ALMS1: variants seen among roughly 807,000 people sequenced by gnomAD.
ALMS1 encodes centrosome-associated protein ALMS1.
ALMS1 carries 271 observed loss-of-function variants against 352.2 expected under a neutral mutation model. The observed-to-expected ratio is 0.77, with a 90% confidence interval of 0.70 to 0.85. The LOEUF (loss-of-function observed/expected upper bound fraction) is 0.85, where lower values mean the gene tolerates loss of function less well. ALMS1 is among the 40% of genes least tolerant of loss of function. The pLI, the probability that ALMS1 is intolerant of heterozygous loss-of-function variation, is 0.00. For missense variants in ALMS1, 5,445 were observed against 4,870.7 expected (o/e 1.12, Z -3.51); for synonymous variants, 1,865 against 1,761.2 (o/e 1.06, Z -1.48).
chr2:73,405,405 T>C (rs1379792312), intron 1 of ALMS1, among the ~76,000 whole-genome samples: 1 of 152,202 alleles, frequency 6.6e-6, no homozygotes, highest in Admixed American at 6.5e-5. Context: ...ATGATCCTTT[T>C]TATTTCTATG....
At chr2:73,551,691 C>T (rs1413389814) in intron 13 of ALMS1, among the ~76,000 whole-genome samples, 1 of 152,020 alleles carries the variant, frequency 6.6e-6, no homozygotes, top group African/African-American at 2.4e-5. Context: ...CTGCCTCGGC[C>T]TCCCAAAGTG....
chr2:73,414,716 G>C (rs115989148), intron 2 of ALMS1, among the ~76,000 whole-genome samples: 1,906 of 151,444 alleles, frequency 0.013, 18 homozygotes, highest in South Asian at 0.028. Context: ...GGGTTCTTCT[G>C]GTTTTTTTTC....
At chr2:73,521,295 G>T (rs1017141672) in intron 11 of ALMS1, among the ~76,000 whole-genome samples, 1 of 152,034 alleles carries the variant, frequency 6.6e-6, no homozygotes, top group Non-Finnish European at 1.5e-5. Context: ...AGGCTTATGG[G>T]TCAATTGGAC....
chr2:73,479,711 C>G (rs1672655415), intron 9 of ALMS1, among the ~76,000 whole-genome samples: 1 of 152,212 alleles, frequency 6.6e-6, no homozygotes, highest in Admixed American at 6.5e-5. Context: ...GTGAATATGT[C>G]TTTGTTTCTG....
intron 9 of ALMS1, among the ~76,000 whole-genome samples, chr2:73,474,568 G>A (rs150529932): frequency 0.01 from 1,555 of 152,066 alleles, 39 homozygotes; most frequent in African/African-American, 0.035. Flanking sequence ...TCCACCTCCC[G>A]AGCTCAAGCT....
At chr2:73,580,658 G>A (rs1209859759) in intron 16 of ALMS1, among the ~76,000 whole-genome samples, 1 of 151,994 alleles carries the variant, frequency 6.6e-6, no homozygotes, top group Non-Finnish European at 1.5e-5. Context: ...TTAAAATTTT[G>A]ACATTTTGAA....
At chr2:73,409,640 C>T (rs576420585) in intron 2 of ALMS1, among the ~76,000 whole-genome samples, 45 of 151,860 alleles carry the variant, frequency 3.0e-4, no homozygotes, top group African/African-American at 2.2e-4. Context: ...GTTTAAATTC[C>T]GGCTTACTAG....
chr2:73,606,139 C>T (rs1215529173), intron 21 of ALMS1, among the ~76,000 whole-genome samples: 1 of 151,940 alleles, frequency 6.6e-6, no homozygotes, highest in African/African-American at 2.4e-5. Context: ...TTTTTGTTTT[C>T]AAAAAGTCTT....
intron 9 of ALMS1, among the ~76,000 whole-genome samples, chr2:73,482,800 G>T (rs1672740512): frequency 6.6e-6 from 1 of 151,306 alleles, no homozygotes; most frequent in Non-Finnish European, 1.5e-5. Context: ...TCCTGGTTTA[G>T]TCTTGGGAGA....
At chr2:73,401,863 T>C (rs76423226) in intron 1 of ALMS1, among the ~76,000 whole-genome samples, 5,415 of 152,282 alleles carry the variant, frequency 0.036, 316 homozygotes, top group African/African-American at 0.12. Context: ...TCCTCACTTC[T>C]ACTTCTTTGT....
At chr2:73,420,387 A>G (rs1671260186) in intron 3 of ALMS1, among the ~76,000 whole-genome samples, 1 of 152,168 alleles carries the variant, frequency 6.6e-6, no homozygotes, top group Admixed American at 6.5e-5. Context: ...GCTGAGAATG[A>G]TTTTTGCATT....
chr2:73,522,278 A>G (rs544631486), intron 11 of ALMS1, among the ~76,000 whole-genome samples: 1 of 152,354 alleles, frequency 6.6e-6, no homozygotes, highest in South Asian at 2.1e-4. Context: ...TGCATGGCAT[A>G]TTCAGCCATT....
At chr2:73,594,315 T>C (rs1313051003) in intron 16 of ALMS1, among the ~76,000 whole-genome samples, 1 of 152,260 alleles carries the variant, frequency 6.6e-6, no homozygotes, top group Non-Finnish European at 1.5e-5. Flanking sequence ...ATTCTTAGAC[T>C]TTTCTATTTT....
chr2:73,464,566 A>G (rs562530036), intron 9 of ALMS1, among the ~76,000 whole-genome samples: 2 of 152,330 alleles, frequency 1.3e-5, no homozygotes, highest in African/African-American at 4.8e-5. Flanking sequence ...CACCACTCCT[A>G]TTCAACATAG....
intron 9 of ALMS1, among the ~76,000 whole-genome samples, chr2:73,465,519 G>A (rs896769413): frequency 2.6e-5 from 4 of 152,218 alleles, no homozygotes; most frequent in African/African-American, 4.8e-5. Context: ...ATGTTAGTCC[G>A]AAAACTGTGA....
At chr2:73,415,589 C>T (rs1296481886) in intron 2 of ALMS1, among the ~76,000 whole-genome samples, 3 of 152,006 alleles carry the variant, frequency 2.0e-5, no homozygotes, top group Admixed American at 6.6e-5. Flanking sequence ...AAATTAGGAG[C>T]GTTCAATAGT....
intron 10 of ALMS1, among the ~76,000 whole-genome samples, chr2:73,516,599 A>C (rs111386617): frequency 0.014 from 2,131 of 152,318 alleles, 58 homozygotes; most frequent in African/African-American, 0.049. Context: ...TAAATATTGT[A>C]AGAACTCAGT....
chr2:73,439,190 C>G (rs1457267369), intron 7 of ALMS1, among the ~76,000 whole-genome samples: 2 of 149,856 alleles, frequency 1.3e-5, no homozygotes, highest in Non-Finnish European at 3.0e-5. Context: ...ATGATCATAG[C>G]TCCACAGCCT....
rs1253205411 is a variant in ALMS1, at chr2:73,453,743, C to T, written c.7216C>T (p.Pro2406Ser). The change falls in exon 8 of 23, where the codon CCT becomes TCT. Residue 2406 changes from proline (P) to serine (S), a missense_variant. Coordinates refer to ENST00000613296, the MANE Select transcript of ALMS1 (RefSeq NM_001378454.1). ...SGTIGNKIII[P>S]MMTVIKSDSS... ...AACCATTGGGAATAAAATTATTATC[C>T]CTATGATGACTGTCATAAAAAGTGA... 6.2e-7 allele frequency: 1 copy of T among 1,614,012 alleles called. No homozygotes were observed.
Sources: allele counts gnomAD v4.1 joint callset (sites outside exome capture counted in the v4.1 genomes callset), GRCh38; gene constraint gnomAD v4.1.1; transcripts MANE v1.5; gene names NCBI Gene and HGNC (gene_info 2026-07-23, HGNC 2026-07-21).